The following CKMT2 variants were observed in gnomAD, a reference collection of about 807,000 sequenced individuals.
CKMT2 encodes creatine kinase, mitochondrial 2.
A neutral mutation model predicts 48.9 loss-of-function variants in CKMT2; 43 were observed. The ratio of observed to expected loss-of-function variants is 0.88; its 90% CI spans 0.69 to 1.13. The LOEUF (loss-of-function observed/expected upper bound fraction) is 1.13, where lower values mean the gene tolerates loss of function less well. CKMT2 is among the 50% of genes most tolerant of loss of function. CKMT2 has a pLI of 0.00. For missense variants in CKMT2, 472 were observed against 555.4 expected (o/e 0.85, Z 1.51); for synonymous variants, 206 against 213.0 (o/e 0.97, Z 0.29).
chr5:81,240,793 TTGAAAGCACTCGAA>T (rs1756409424), intron 1 of CKMT2, among the ~76,000 whole-genome samples: 1 of 152,190 alleles, frequency 6.6e-6, no homozygotes, highest in Non-Finnish European at 1.5e-5. Flanking sequence ...TACCCTGCCC[TTGAAAGCACTCGAA>T]TTTTGTTTTC....
At chr5:81,234,035 A>C (rs1181714070) in intron 1 of CKMT2, among the ~76,000 whole-genome samples, 7 of 151,486 alleles carry the variant, frequency 4.6e-5, no homozygotes, top group East Asian at 1.9e-4. Context: ...AAAAAAAAAA[A>C]AAAAAAAAAA....
chr5:81,244,004 C>T (rs761455121), intron 1 of CKMT2: 198 of 983,736 alleles, frequency 2.0e-4, no homozygotes, highest in Non-Finnish European at 2.4e-4. Context: ...CTAATATGAT[C>T]TTATTTAGTT....
At chr5:81,248,283 C>T (rs1036233277) in intron 1 of CKMT2, among the ~76,000 whole-genome samples, 1 of 152,200 alleles carries the variant, frequency 6.6e-6, no homozygotes, top group African/African-American at 2.4e-5. Flanking sequence ...TTCCTGTTAG[C>T]TTAGGAAGAC....
intron 8 of CKMT2, among the ~76,000 whole-genome samples, chr5:81,261,256 C>T (rs1757213651): frequency 6.7e-6 from 1 of 149,628 alleles, no homozygotes; most frequent in East Asian, 2.0e-4. Flanking sequence ...CCACAGCCAA[C>T]AGGCAAAAGC....
intron 1 of CKMT2, among the ~76,000 whole-genome samples, chr5:81,249,174 G>A (rs1756713835): frequency 6.6e-6 from 1 of 151,500 alleles, no homozygotes. Flanking sequence ...TTAGCCTCCT[G>A]AGTAGCTGAG....
At chr5:81,257,255 C>A (rs1757045761) in intron 6 of CKMT2, among the ~76,000 whole-genome samples, 1 of 151,364 alleles carries the variant, frequency 6.6e-6, no homozygotes, top group African/African-American at 2.4e-5. Context: ...CCTGAAGGAG[C>A]AGAAATAAAA....
chr5:81,249,290 C>A (rs1580442770), intron 1 of CKMT2, among the ~76,000 whole-genome samples: 2 of 152,250 alleles, frequency 1.3e-5, no homozygotes, highest in East Asian at 3.9e-4. Flanking sequence ...ACAATGTTGG[C>A]CAGGCTGGTC....
chr5:81,263,513 T>C lies in CKMT2; in HGVS notation c.1037T>C (p.Leu346Pro). 6.2e-7 allele frequency: 1 copy of C among 1,612,864 alleles called. No individual in the cohort carries two copies. The highest frequency in any genetic ancestry group is 8.5e-7 in the Non-Finnish European group (1 of 1,179,240). Residue 346 changes from leucine to proline, a missense_variant, in exon 9 of 10, where the codon CTG becomes CCG. By Grantham distance (98) the Leu-to-Pro change is moderately conservative. Coordinates refer to ENST00000254035, the MANE Select transcript of CKMT2 (RefSeq NM_001099735.2). The part of the protein sequence containing the change: ...LSKDPRFSKI[L>P]ENLRLQKRGT... The stretch of plus-strand genomic sequence containing the variant: ...TAGGACCCACGCTTTTCTAAGATCC[T>C]GGAAAACCTAAGACTCCAGAAGCGT...
intron 8 of CKMT2, among the ~76,000 whole-genome samples, chr5:81,260,240 A>G (rs1757166612): frequency 6.6e-6 from 1 of 152,232 alleles, no homozygotes. Flanking sequence ...GGAAATTTAT[A>G]GCAGCAAATG....
intron 1 of CKMT2, among the ~76,000 whole-genome samples, chr5:81,248,129 C>T (rs1756674505): frequency 1.3e-5 from 2 of 152,200 alleles, no homozygotes; most frequent in African/African-American, 4.8e-5. Flanking sequence ...ACCATTCACT[C>T]CCCTTCCTCT....
At chr5:81,240,303 G>A (rs1210585891) in intron 1 of CKMT2, among the ~76,000 whole-genome samples, 1 of 152,152 alleles carries the variant, frequency 6.6e-6, no homozygotes, top group Admixed American at 6.5e-5. Context: ...TGGAAACCCT[G>A]CTTAAGGGAA....
chr5:81,258,845 A>C (rs1757106213), intron 7 of CKMT2, among the ~76,000 whole-genome samples: 1 of 152,220 alleles, frequency 6.6e-6, no homozygotes, highest in African/African-American at 2.4e-5. Context: ...TCTGTGGAAG[A>C]ATTGTCTTAA....
At chr5:81,241,956 C>G (rs1424225100) in intron 1 of CKMT2, among the ~76,000 whole-genome samples, 1 of 138,586 alleles carries the variant, frequency 7.2e-6, no homozygotes, top group East Asian at 2.0e-4. Context: ...CAGTCAGAAC[C>G]CCTAAAAAAA....
At chr5:81,263,917 T>C (rs1757313125) in intron 9 of CKMT2, among the ~76,000 whole-genome samples, 1 of 152,250 alleles carries the variant, frequency 6.6e-6, no homozygotes, top group African/African-American at 2.4e-5. Context: ...AGCTCTGTTA[T>C]GCTAAAGGAC....
intron 1 of CKMT2, among the ~76,000 whole-genome samples, chr5:81,242,177 G>A (rs1334185493): frequency 6.6e-6 from 1 of 152,168 alleles, no homozygotes; most frequent in Non-Finnish European, 1.5e-5. Context: ...AAACGGAGCA[G>A]GTACATGCTC....
At chr5:81,245,099 G>A (rs931167917) in intron 1 of CKMT2, 1 of 152,118 alleles carries the variant, frequency 6.6e-6, no homozygotes, top group Middle Eastern at 3.2e-3. Context: ...CAAATGCCTG[G>A]TACAGCATCT....
chr5:81,265,460 C>A (rs1047069442), intron 9 of CKMT2, among the ~76,000 whole-genome samples: 11 of 152,026 alleles, frequency 7.2e-5, no homozygotes, highest in African/African-American at 2.4e-4. Flanking sequence ...TAATTTCTCT[C>A]TTAATTTGGG....
At chr5:81,254,652 T>C (rs931826212) in intron 4 of CKMT2, 161 bp downstream of exon 4, 5 of 630,872 alleles carry the variant, frequency 7.9e-6, no homozygotes, top group Non-Finnish European at 1.1e-5. Flanking sequence ...CAGAGAAGGT[T>C]AGGAGGGTCC....
At chr5:81,257,274 T>C (rs1274626313) in intron 6 of CKMT2, among the ~76,000 whole-genome samples, 1 of 152,104 alleles carries the variant, frequency 6.6e-6, no homozygotes. Flanking sequence ...AAAATGTTCA[T>C]GTGCAGCTGC....
Sources: allele counts gnomAD v4.1 joint callset (sites outside exome capture counted in the v4.1 genomes callset), GRCh38; gene constraint gnomAD v4.1.1; transcripts MANE v1.5; gene names NCBI Gene and HGNC (gene_info 2026-07-23, HGNC 2026-07-21).